SCUBE1: variants seen among roughly 807,000 people sequenced by gnomAD.
SCUBE1 encodes the protein signal peptide, CUB domain and EGF like domain containing 1, also known as signal peptide, CUB and EGF-like domain-containing protein 1.
Under a neutral mutation model 124.4 loss-of-function variants are expected in SCUBE1, and 59 were observed. That is an observed-to-expected ratio of 0.47 (90% CI 0.38 to 0.59). The LOEUF is 0.59. Ranked by LOEUF, SCUBE1 falls within the 20% of genes least tolerant of loss-of-function variation. The pLI, the probability that SCUBE1 is intolerant of heterozygous loss-of-function variation, is 0.00. For synonymous variants in SCUBE1, 545 were observed against 550.9 expected (o/e 0.99, Z 0.15); for missense variants, 1,150 against 1,371.2 (o/e 0.84, Z 2.55).
At chr22:43,260,962 A>G (rs1486616006) in intron 5 of SCUBE1, among the ~76,000 whole-genome samples, 1 of 152,226 alleles carries the variant, frequency 6.6e-6, no homozygotes, top group Non-Finnish European at 1.5e-5. Flanking sequence ...TCAGGGAGCA[A>G]GCCGCCCACA....
At position 43,255,338 on chromosome 22, in the gene SCUBE1, AAC is replaced by A. The variant is rs1923615188; in HGVS notation, c.727+2879_727+2880del. Reference sequence around the variant, plus strand: ...CTGCACACACGTGGGCACACCCCACAACACAGACATATGCCCCCACACGCACA... The same window carrying A: ...CTGCACACACGTGGGCACACCCCACAACAGACATATGCCCCCACACGCACA... On this transcript the variant is annotated intron_variant, in intron 6 of 21. Transcript: ENST00000360835. This position sits in a 1 kb window ranked among gnomAD's most constrained non-coding sequence, Gnocchi z 4.7. 7 of 723,886 alleles carry A rather than the reference AAC, an allele frequency of 9.7e-6. No individual in the cohort carries two copies. The East Asian group carries it at 1.9e-4, about 20-fold the overall frequency. The allele number at this position is 723,886 out of a possible 1,614,324, so 44.8% of individuals were successfully genotyped here.
intron 11 of SCUBE1, 96 bp from the exon 12 acceptor site, chr22:43,222,838 A>T: frequency 9.5e-7 from 1 of 1,049,168 alleles, no homozygotes; most frequent in Non-Finnish European, 1.4e-6. Flanking sequence ...AGTGAGACGA[A>T]GATCAGGACA....
intron 6 of SCUBE1, among the ~76,000 whole-genome samples, chr22:43,250,603 G>A (rs1408002056): frequency 6.6e-6 from 1 of 152,222 alleles, no homozygotes; most frequent in African/African-American, 2.4e-5. Context: ...GGGGTGCGGG[G>A]AGAGGAGTTC....
rs971414792 is a variant in SCUBE1, at chr22:43,207,725, G to A, written c.2735-112C>T. 13 of 822,822 alleles carry A rather than the reference G, an allele frequency of 1.6e-5. No individual in the cohort carries two copies. In the African/African-American group the frequency reaches 2.0e-4, roughly 13 times the overall value. The allele number at this position is 822,822 out of a possible 1,614,324, so 51.0% of individuals were successfully genotyped here. On this transcript the variant is annotated intron_variant, in intron 20 of 21. Transcript: ENST00000360835. Reference sequence around the variant, plus strand: ...CCTGTGCTCCAGCCACGGGCTCTGGGCTATGGCTGGCCGCAGCTCTGCCTC... The same window carrying A: ...CCTGTGCTCCAGCCACGGGCTCTGGACTATGGCTGGCCGCAGCTCTGCCTC...
intron 4 of SCUBE1, among the ~76,000 whole-genome samples, chr22:43,267,372 A>G (rs1924112638): frequency 6.6e-6 from 1 of 152,192 alleles, no homozygotes; most frequent in Non-Finnish European, 1.5e-5. Flanking sequence ...AAAGCCCCCT[A>G]TTTCGGAACA....
At chr22:43,212,374 T>A in intron 17 of SCUBE1, 51 bp downstream of exon 17, 1 of 1,534,180 alleles carries the variant, frequency 6.5e-7, no homozygotes, top group Non-Finnish European at 8.8e-7. Flanking sequence ...CTCGGAGCAG[T>A]GCAGCCCTGC....
At position 43,222,700 on chromosome 22, in the gene SCUBE1, G is replaced by A. The variant is rs746449536; in HGVS notation, c.1370C>T (p.Pro457Leu). The A allele has an allele frequency of 5.2e-5, 83 of 1,606,828 alleles. No homozygotes were observed. The highest frequency in any genetic ancestry group is 6.4e-5 in the Non-Finnish European group (75 of 1,177,158). ...SYVLSCGVPGPQGKALQKRNG... is the reference protein window; with the variant it reads ...SYVLSCGVPGLQGKALQKRNG... ...GCGTTTCTGCAGCGCCTTGCCCTGCGGCCCTGGAACTCCGCAGCTCAGGAC... is the reference window on the plus strand; with the variant it reads ...GCGTTTCTGCAGCGCCTTGCCCTGCAGCCCTGGAACTCCGCAGCTCAGGAC... Residue 457 changes from proline (P) to leucine (L), a missense_variant, in exon 12 of 22, where the codon CCG becomes CTG. Pro to Leu is a moderately conservative substitution (Grantham distance 98, BLOSUM62 -3). Around this residue, in one of 3 missense-constraint regions of SCUBE1, gnomAD observed 757 missense variants for 840.9 expected, o/e 0.90. Transcript: ENST00000360835.
intron 4 of SCUBE1, among the ~76,000 whole-genome samples, chr22:43,269,196 C>T (rs984936459): frequency 7.2e-5 from 11 of 152,268 alleles, no homozygotes; most frequent in African/African-American, 2.6e-4. Context: ...TGCTTCCTCC[C>T]GATGGGCCCT....
chr22:43,212,273 T>A lies in SCUBE1; in HGVS notation c.2221+152A>T, dbSNP rs1054516742. On this transcript the variant is annotated intron_variant, in intron 17 of 21. Transcript: ENST00000360835. Reference sequence around the variant, plus strand: ...CTGTCCTAATGCGGGGCACAGTGGGTCACCCACGCCCACGCCTGACAGCTC... The same window carrying A: ...CTGTCCTAATGCGGGGCACAGTGGGACACCCACGCCCACGCCTGACAGCTC... 3 of 828,746 alleles carry A rather than the reference T, an allele frequency of 3.6e-6. No individual in the cohort carries two copies. In the African/African-American group the frequency reaches 5.2e-5, roughly 14 times the overall value. The allele number at this position is 828,746 out of a possible 1,614,324, so 51.3% of individuals were successfully genotyped here.
intron 4 of SCUBE1, among the ~76,000 whole-genome samples, chr22:43,265,655 C>T (rs1924033886): frequency 1.3e-5 from 2 of 152,228 alleles, no homozygotes; most frequent in South Asian, 2.1e-4. Flanking sequence ...GTGGGACTGG[C>T]TTCAGGACCT....
At chr22:43,243,292 G>A (rs1336049571) in intron 6 of SCUBE1, among the ~76,000 whole-genome samples, 3 of 152,238 alleles carry the variant, frequency 2.0e-5, no homozygotes, top group African/African-American at 7.2e-5. Context: ...CCAGCTGGTG[G>A]GGAGAGCGCT....
At chr22:43,318,906 G>A (rs982927770) in intron 3 of SCUBE1, among the ~76,000 whole-genome samples, 4 of 152,052 alleles carry the variant, frequency 2.6e-5, no homozygotes, top group African/African-American at 9.7e-5. Context: ...ATTTTTAGTA[G>A]AGACAGGGTT....
At position 43,210,139 on chromosome 22, in the gene SCUBE1, C is replaced by T. The variant is rs765115037; in HGVS notation, c.2485G>A (p.Ala829Thr). The change falls in exon 19 of 22, where the codon GCG (alanine) becomes ACG (threonine). Residue 829 changes from alanine to threonine, a missense_variant. This residue lies in a region of SCUBE1 where 757 missense variants were observed against 840.9 expected (regional missense o/e 0.90). Coordinates refer to ENST00000360835, the MANE Select transcript of SCUBE1 (RefSeq NM_173050.5). This position sits in a 1 kb window ranked among gnomAD's most constrained non-coding sequence, Gnocchi z 4.5. ...AGGATCCTGCGCTTTGGGGGAGGCGCGATGTGCCAGACGCATTCAGCGTTG... is the reference window on the plus strand; with the variant it reads ...AGGATCCTGCGCTTTGGGGGAGGCGTGATGTGCCAGACGCATTCAGCGTTG... ...PANAECVWHI[A>T]PPPKRRILIV... is the part of the protein sequence containing the mutation. 6.8e-6 allele frequency: 11 copies of T among 1,611,934 alleles called. No individual in the cohort carries two copies. In the South Asian group the frequency reaches 8.8e-5, roughly 13 times the overall value.
intron 3 of SCUBE1, among the ~76,000 whole-genome samples, chr22:43,312,702 G>A (rs559474637): frequency 7.9e-5 from 12 of 152,300 alleles, no homozygotes; most frequent in African/African-American, 2.4e-4. Context: ...GGGTGGAGGC[G>A]CCCTTGGTAT....
intron 8 of SCUBE1, among the ~76,000 whole-genome samples, chr22:43,230,463 G>C (rs1313714771): frequency 6.6e-6 from 1 of 152,112 alleles, no homozygotes; most frequent in Non-Finnish European, 1.5e-5. Context: ...GGTGGGGGTG[G>C]GGCGGGTGAG....
chr22:43,277,430 C>T lies in SCUBE1; in HGVS notation c.484+13616G>A, dbSNP rs565503065. Reference sequence around the variant, plus strand: ...CTGCCGCACTAACTCAGGCAAAAGACGGCAGCGCAGCCCTAGGCAGAGGGC... The same window carrying T: ...CTGCCGCACTAACTCAGGCAAAAGATGGCAGCGCAGCCCTAGGCAGAGGGC... On this transcript the variant is annotated intron_variant, in intron 4 of 21. Coordinates refer to ENST00000360835, the MANE Select transcript of SCUBE1 (RefSeq NM_173050.5). Among the ~76,000 whole-genome samples, 309 of 152,310 alleles carry T rather than the reference C, an allele frequency of 2.0e-3. 1 individual carries two copies. Among genetic ancestry groups the T allele is most frequent in the African/African-American group, 7.2e-3 (298 of 41,560 alleles).
rs79984053 is a variant in SCUBE1 at position 43,200,386 on chromosome 22, T to C, written c.*3611A>G. 0.043 allele frequency: 6,623 copies of C among 152,438 alleles called. 193 individuals are homozygous for C. Among genetic ancestry groups the C allele is most frequent in the South Asian group, 0.09 (432 of 4,826 alleles). 9.4% of individuals were successfully genotyped at this position (152,438 alleles called of 1,614,324 possible). A position where few individuals can be genotyped will look rare whatever the true frequency, so the allele number is the denominator to read the frequency against. On this transcript the variant is annotated 3_prime_UTR_variant, in exon 22 of 22. Coordinates refer to ENST00000360835, the MANE Select transcript of SCUBE1 (RefSeq NM_173050.5). Reference sequence around the variant, plus strand: ...TGGACTCTCTGCCCCCAGCTTCCATTTTTTCTTGGGCCTCGTTACGTGGAT... The same window carrying C: ...TGGACTCTCTGCCCCCAGCTTCCATCTTTTCTTGGGCCTCGTTACGTGGAT...
At chr22:43,240,214 A>G (rs1601821354) in intron 6 of SCUBE1, among the ~76,000 whole-genome samples, 1 of 152,258 alleles carries the variant, frequency 6.6e-6, no homozygotes, top group East Asian at 1.9e-4. Flanking sequence ...TGCGGCTGCC[A>G]GTGGAAGGTG....
chr22:43,300,918 G>A (rs1391653604), intron 3 of SCUBE1, among the ~76,000 whole-genome samples: 1 of 152,118 alleles, frequency 6.6e-6, no homozygotes, highest in East Asian at 1.9e-4. Context: ...GTGCCTGCAC[G>A]TGGACATCCT....
Sources: gnomAD v4.1 joint callset for allele counts (sites outside exome capture counted in the v4.1 genomes callset) on GRCh38, gnomAD v4.1.1 for gene constraint, gnomAD v4.1.1 regional missense constraint, Gnocchi (gnomAD v3.1) non-coding constraint, MANE v1.5 for transcripts, NCBI Gene and HGNC (gene_info 2026-07-23, HGNC 2026-07-21) for gene names.